The following SAMTOR variants were observed in gnomAD, a reference collection of about 807,000 sequenced individuals.
The protein encoded by SAMTOR is S-adenosylmethionine sensor upstream of mTORC1.
chr7:112,866,256 T>C, the SAMTOR span, among the ~76,000 whole-genome samples: 1 of 152,174 alleles, frequency 6.6e-6, no homozygotes, highest in African/African-American at 2.4e-5. Context: ...AATAAATGTA[T>C]AATACTACTG....
the SAMTOR span, among the ~76,000 whole-genome samples, chr7:112,907,495 A>G: frequency 6.6e-6 from 1 of 152,152 alleles, no homozygotes; most frequent in Non-Finnish European, 1.5e-5. Context: ...GAAGACTGAT[A>G]CATCTAACTA....
the SAMTOR span, chr7:112,822,443 A>G: frequency 7.8e-7 from 1 of 1,281,964 alleles, no homozygotes; most frequent in Non-Finnish European, 1.1e-6. Flanking sequence ...TAGACTTTTC[A>G]GCAAACCATT....
chr7:112,835,606 T>C, the SAMTOR span, among the ~76,000 whole-genome samples: 4 of 152,036 alleles, frequency 2.6e-5, no homozygotes, highest in Non-Finnish European at 5.9e-5. Context: ...TAGTTCCCAA[T>C]AGGTAGTTTT....
the SAMTOR span, among the ~76,000 whole-genome samples, chr7:112,823,578 G>A: frequency 1.3e-5 from 2 of 152,090 alleles, no homozygotes; most frequent in Non-Finnish European, 2.9e-5. Flanking sequence ...ACCTGTTTAT[G>A]GATATCTGGG....
At chr7:112,899,875 G>C in the SAMTOR span, among the ~76,000 whole-genome samples, 3 of 149,862 alleles carry the variant, frequency 2.0e-5, no homozygotes, top group African/African-American at 7.4e-5. Context: ...GAAATATGTA[G>C]ATAAACAAAG....
the SAMTOR span, among the ~76,000 whole-genome samples, chr7:112,906,898 T>C: frequency 6.6e-6 from 1 of 152,142 alleles, no homozygotes; most frequent in Non-Finnish European, 1.5e-5. Flanking sequence ...ATAGGATGAC[T>C]CAACATTATT....
the SAMTOR span, among the ~76,000 whole-genome samples, chr7:112,830,227 T>A: frequency 6.6e-6 from 1 of 152,174 alleles, no homozygotes; most frequent in Non-Finnish European, 1.5e-5. Flanking sequence ...TCTCAGAGAT[T>A]ACTGTCCTTC....
the SAMTOR span, among the ~76,000 whole-genome samples, chr7:112,834,150 T>C: frequency 6.6e-6 from 1 of 152,210 alleles, no homozygotes; most frequent in South Asian, 2.1e-4. Context: ...CACTTAAGAC[T>C]TTTATTAGCA....
At chr7:112,868,781 G>A in the SAMTOR span, among the ~76,000 whole-genome samples, 7 of 152,142 alleles carry the variant, frequency 4.6e-5, no homozygotes, top group African/African-American at 1.7e-4. Context: ...TGTGGAGAGT[G>A]CCCCAGCAGT....
chr7:112,860,477 T>C, the SAMTOR span, among the ~76,000 whole-genome samples: 2 of 152,218 alleles, frequency 1.3e-5, no homozygotes, highest in Non-Finnish European at 2.9e-5. Flanking sequence ...CCTGCGACTG[T>C]ATTGAGTTTT....
the SAMTOR span, chr7:112,939,508 G>C: frequency 1.3e-6 from 2 of 1,594,026 alleles, no homozygotes; most frequent in Non-Finnish European, 1.7e-6. Flanking sequence ...TTTAATGGTG[G>C]CCTCTTTGGA....
the SAMTOR span, among the ~76,000 whole-genome samples, chr7:112,845,570 T>G: frequency 6.6e-6 from 1 of 152,146 alleles, no homozygotes; most frequent in Non-Finnish European, 1.5e-5. Context: ...ATGGTTATTA[T>G]TAAAAAGTCA....
At chr7:112,859,634 T>C in the SAMTOR span, among the ~76,000 whole-genome samples, 1 of 152,132 alleles carries the variant, frequency 6.6e-6, no homozygotes, top group Non-Finnish European at 1.5e-5. Context: ...GTGATATTAA[T>C]GGTCCCGACC....
the SAMTOR span, among the ~76,000 whole-genome samples, chr7:112,885,506 G>C: frequency 6.6e-6 from 1 of 152,148 alleles, no homozygotes; most frequent in African/African-American, 2.4e-5. Context: ...CAGATCTCTG[G>C]GGCAGGAGCA....
At chr7:112,939,406 G>C in the SAMTOR span, 1 of 833,502 alleles carries the variant, frequency 1.2e-6, no homozygotes, top group Admixed American at 2.8e-5. Context: ...AAGAAAAGGG[G>C]GCGGGGAGGA....
At chr7:112,900,034 G>T in the SAMTOR span, among the ~76,000 whole-genome samples, 2 of 151,900 alleles carry the variant, frequency 1.3e-5, no homozygotes, top group African/African-American at 4.8e-5. Flanking sequence ...GTTAAATTCA[G>T]AATACTCTAA....
the SAMTOR span, among the ~76,000 whole-genome samples, chr7:112,867,652 G>A: frequency 3.9e-5 from 6 of 152,260 alleles, no homozygotes; most frequent in East Asian, 7.7e-4. Flanking sequence ...TAATGTTCCT[G>A]AATGGATAAA....
chr7:112,894,699 C>A, the SAMTOR span, among the ~76,000 whole-genome samples: 1 of 152,050 alleles, frequency 6.6e-6, no homozygotes, highest in South Asian at 2.1e-4. Context: ...TGGGGGAAAC[C>A]GCCCCCATGA....
chr7:112,836,300 G>C, the SAMTOR span, among the ~76,000 whole-genome samples: 1 of 152,198 alleles, frequency 6.6e-6, no homozygotes, highest in African/African-American at 2.4e-5. Flanking sequence ...AGAAGTGTCT[G>C]TTCATGTCCT....
Sources: gnomAD v4.1 joint callset for allele counts (sites outside exome capture counted in the v4.1 genomes callset) on GRCh38, gnomAD v4.1.1 for gene constraint, MANE v1.5 for transcripts, NCBI Gene and HGNC (gene_info 2026-07-23, HGNC 2026-07-21) for gene names.